ELMO1: variants seen among roughly 807,000 people sequenced by gnomAD.
ELMO1 encodes engulfment and cell motility 1.
ELMO1 carries 26 observed loss-of-function variants against 98.9 expected under a neutral mutation model. The observed-to-expected ratio is 0.26, with a 90% CI of 0.19 to 0.36. The LOEUF (loss-of-function observed/expected upper bound fraction) is 0.36. Ranked by LOEUF, ELMO1 falls within the 10% of genes least tolerant of loss-of-function variation. ELMO1 has a pLI of 1.00. For synonymous variants in ELMO1, 346 were observed against 346.0 expected (o/e 1.00, Z 0.00); for missense variants, 627 against 935.2 (o/e 0.67, Z 4.30).
chr7:37,152,163 G>C (rs982105924), intron 13 of ELMO1, among the ~76,000 whole-genome samples: 1 of 152,212 alleles, frequency 6.6e-6, no homozygotes, highest in African/African-American at 2.4e-5. Context: ...TGGTGTCCTT[G>C]TGAACCTCAT....
chr7:37,258,595 C>T (rs1795819004), intron 6 of ELMO1, among the ~76,000 whole-genome samples: 1 of 152,202 alleles, frequency 6.6e-6, no homozygotes, highest in Admixed American at 6.5e-5. Context: ...CTTTGTTCAA[C>T]TCTTTTGCAT....
At chr7:37,334,988 T>C (rs1313090695) in intron 2 of ELMO1, among the ~76,000 whole-genome samples, 1 of 152,186 alleles carries the variant, frequency 6.6e-6, no homozygotes, top group East Asian at 1.9e-4. Context: ...TGAAACCTAT[T>C]GTACACACAC....
intron 16 of ELMO1, among the ~76,000 whole-genome samples, chr7:36,897,305 A>G (rs941386936): frequency 1.3e-4 from 5 of 38,382 alleles, no homozygotes; most frequent in Non-Finnish European, 2.0e-4. Flanking sequence ...CAATGTCAGT[A>G]GTAGGACAAA....
intron 5 of ELMO1, 198 bp downstream of exon 5, chr7:37,271,634 G>A (rs1796563478): frequency 5.3e-6 from 3 of 565,770 alleles, no homozygotes; most frequent in Non-Finnish European, 9.2e-6. Context: ...CCCTTCGCCT[G>A]GAATAAGGTC....
In ELMO1 at chr7:37,355,522, G is replaced by A. The variant is rs566870535; in HGVS notation, c.-73-12759C>T. Among the ~76,000 whole-genome samples, 149 of 152,340 alleles carry A rather than the reference G, an allele frequency of 9.8e-4. 1 individual carries two copies. Among genetic ancestry groups the A allele is most frequent in the African/African-American group, 3.4e-3 (142 of 41,586 alleles). On this transcript the variant is annotated intron_variant, in intron 1 of 21. Transcript: ENST00000310758. ...ATAATAACTTTGCTTTAAGTTCAGG[G>A]AGTTTTTAGATTTGAAGTTTTGAGG...
intron 13 of ELMO1, among the ~76,000 whole-genome samples, chr7:37,189,077 T>C (rs185386461): frequency 1.3e-5 from 2 of 152,336 alleles, no homozygotes; most frequent in Non-Finnish European, 2.9e-5. Flanking sequence ...ATATAATAAT[T>C]TTTAAACTGG....
rs183683484 is a variant in ELMO1, at chr7:36,986,949, G to T, written c.1437+26350C>A. ...ACTTTTAACCTAGAGAATTAGAGGG[G>T]TATCTTTAAAAATATTTGTTGCCTA... is the stretch of plus-strand genomic sequence containing the variant. On this transcript the variant is annotated intron_variant, in intron 16 of 21. Transcript: ENST00000310758. Among the ~76,000 whole-genome samples, 495 of 152,236 alleles carry T rather than the reference G, an allele frequency of 3.3e-3. 2 individuals carry two copies. Among genetic ancestry groups the T allele is most frequent in the Non-Finnish European group, 5.6e-3 (378 of 68,014 alleles).
At chr7:37,133,704 A>G (rs1334877405) in intron 13 of ELMO1, among the ~76,000 whole-genome samples, 1 of 152,120 alleles carries the variant, frequency 6.6e-6, no homozygotes, top group Non-Finnish European at 1.5e-5. Flanking sequence ...AGCCCCATAC[A>G]TTGATGGGCT....
At chr7:37,240,381 A>G (rs943929105) in intron 7 of ELMO1, among the ~76,000 whole-genome samples, 3 of 152,104 alleles carry the variant, frequency 2.0e-5, no homozygotes, top group African/African-American at 7.2e-5. Flanking sequence ...TATGATTTGT[A>G]GTGATATTCC....
chr7:37,076,519 T>C (rs775477151), intron 15 of ELMO1, among the ~76,000 whole-genome samples: 56 of 152,344 alleles, frequency 3.7e-4, no homozygotes, highest in Non-Finnish European at 5.6e-4. Context: ...GAAGGTTAGA[T>C]TGATCTTGTT....
intron 1 of ELMO1, chr7:37,375,899 C>T (rs1458733544): frequency 2.1e-5 from 14 of 670,736 alleles, no homozygotes; most frequent in South Asian, 1.2e-4. Context: ...AACAGAGATA[C>T]GTGCAGACAT....
At chr7:37,411,444 T>A (rs1487944853) in intron 1 of ELMO1, among the ~76,000 whole-genome samples, 1 of 152,238 alleles carries the variant, frequency 6.6e-6, no homozygotes, top group Non-Finnish European at 1.5e-5. Context: ...AATATCCTCG[T>A]GCTTTTCATC....
intron 16 of ELMO1, among the ~76,000 whole-genome samples, chr7:36,927,866 A>G (rs1434852578): frequency 6.6e-6 from 1 of 152,242 alleles, no homozygotes; most frequent in African/African-American, 2.4e-5. Context: ...TTTTAACTAC[A>G]GTAATGGGCT....
intron 16 of ELMO1, among the ~76,000 whole-genome samples, chr7:36,995,112 A>C (rs1452237059): frequency 6.6e-6 from 1 of 152,232 alleles, no homozygotes; most frequent in Non-Finnish European, 1.5e-5. Flanking sequence ...GATGGGGAAC[A>C]TTAAAGACAT....
intron 13 of ELMO1, among the ~76,000 whole-genome samples, chr7:37,190,861 T>G (rs1173278141): frequency 1.3e-5 from 2 of 152,070 alleles, no homozygotes; most frequent in African/African-American, 4.8e-5. Flanking sequence ...GATCACATTT[T>G]CATGAAAGCA....
chr7:37,417,769 G>A (rs1451565285), intron 1 of ELMO1, among the ~76,000 whole-genome samples: 1 of 152,190 alleles, frequency 6.6e-6, no homozygotes, highest in Non-Finnish European at 1.5e-5. Context: ...TTGAACCTGT[G>A]AGGCAGAGGT....
intron 15 of ELMO1, among the ~76,000 whole-genome samples, chr7:37,035,003 G>T (rs1387572904): frequency 6.6e-6 from 1 of 152,116 alleles, no homozygotes; most frequent in Non-Finnish European, 1.5e-5. Context: ...AAATGCATTT[G>T]CCCAGAACCA....
chr7:37,148,857 C>T (rs1788169885), intron 13 of ELMO1, among the ~76,000 whole-genome samples: 1 of 152,168 alleles, frequency 6.6e-6, no homozygotes, highest in African/African-American at 2.4e-5. Context: ...CACTTTAAAA[C>T]AAGGGATAAA....
At chr7:36,864,816 A>G (rs182092010) in intron 20 of ELMO1, among the ~76,000 whole-genome samples, 7 of 152,332 alleles carry the variant, frequency 4.6e-5, no homozygotes, top group African/African-American at 1.7e-4. Flanking sequence ...CTCTGGATTT[A>G]GTGCAGTGAA....
Sources: allele counts gnomAD v4.1 joint callset (sites outside exome capture counted in the v4.1 genomes callset), GRCh38; gene constraint gnomAD v4.1.1; transcripts MANE v1.5; gene names NCBI Gene and HGNC (gene_info 2026-07-23, HGNC 2026-07-21).